The following KNTC1 variants were observed in gnomAD, a reference collection of about 807,000 sequenced individuals.
KNTC1 encodes the protein kinetochore-associated protein 1.
A neutral mutation model predicts 314.4 loss-of-function variants in KNTC1; 253 were observed. The ratio of observed to expected loss-of-function variants is 0.80; its 90% CI spans 0.73 to 0.89. KNTC1 has a LOEUF of 0.89. Among genes scored for constraint, KNTC1 ranks in the 40% least tolerant of loss-of-function variants. The pLI is 0.00. For synonymous variants in KNTC1, 901 were observed against 901.4 expected (o/e 1.00, Z 0.01); for missense variants, 2,475 against 2,572.9 (o/e 0.96, Z 0.82).
At chr12:122,580,120 GAA>G in intron 32 of KNTC1, 143 bp downstream of exon 32, 1 of 613,844 alleles carries the variant, frequency 1.6e-6, no homozygotes, top group Non-Finnish European at 2.9e-6. Flanking sequence ...TTTGCTTCAT[GAA>G]AAGTCTTCCT....
chr12:122,622,037 A>T, intron 61 of KNTC1, 67 bp downstream of exon 61: 1 of 1,099,950 alleles, frequency 9.1e-7, no homozygotes, highest in Non-Finnish European at 1.3e-6. Context: ...CATTTTCCCA[A>T]ACCAAGAGTA....
At chr12:122,608,866 T>G (rs1872800924) in intron 51 of KNTC1, among the ~76,000 whole-genome samples, 1 of 152,114 alleles carries the variant, frequency 6.6e-6, no homozygotes, top group African/African-American at 2.4e-5. Flanking sequence ...GAGACCAGCC[T>G]GAGCAGCATA....
intron 51 of KNTC1, among the ~76,000 whole-genome samples, chr12:122,608,039 C>T (rs1461939275): frequency 6.6e-6 from 1 of 152,144 alleles, no homozygotes; most frequent in East Asian, 1.9e-4. Context: ...TCTATAATTC[C>T]TATATCCACC....
chr12:122,572,672 T>A (rs1339995856), intron 24 of KNTC1, among the ~76,000 whole-genome samples: 1 of 152,190 alleles, frequency 6.6e-6, no homozygotes, highest in Non-Finnish European at 1.5e-5. Context: ...TGCTGTGTAC[T>A]AAGTATACTT....
chr12:122,547,428 T>C lies in KNTC1; in HGVS notation c.830T>C (p.Leu277Ser). The C allele has an allele frequency of 6.2e-7, 1 of 1,607,042 alleles. No homozygotes were observed. Among genetic ancestry groups the C allele is most frequent in the Non-Finnish European group, 8.5e-7 (1 of 1,173,958 alleles). ...TCTCTATTGCAGAACGTGCTGAGTT[T>C]ATGGGATATTTACACTCTAACTCCT... ...FVLDTDNVLS[L>S]WDIYTLTPVW... is the part of the protein sequence containing the mutation. Residue 277 changes from leucine to serine, a missense_variant, in exon 11 of 64, where the codon TTA becomes TCA. Leu to Ser is a moderately radical substitution (Grantham distance 145). Transcript: ENST00000333479.
At chr12:122,532,105 C>G (rs1167815977) in intron 2 of KNTC1, among the ~76,000 whole-genome samples, 18 of 150,904 alleles carry the variant, frequency 1.2e-4, no homozygotes, top group Non-Finnish European at 2.2e-4. Flanking sequence ...GTGATATTGA[C>G]TCATTACAAC....
chr12:122,563,255 C>A (rs1964102508), intron 20 of KNTC1, among the ~76,000 whole-genome samples: 1 of 151,968 alleles, frequency 6.6e-6, no homozygotes, highest in African/African-American at 2.4e-5. Flanking sequence ...ACTGCAGCCT[C>A]AACTTTTTAG....
rs1869576121 is a variant in KNTC1, at chr12:122,587,769, G to A, written c.3789G>A (p.Gln1263=). 6.2e-7 allele frequency: 1 copy of A among 1,613,682 alleles called. No homozygotes were observed. Among genetic ancestry groups the A allele is most frequent in the Admixed American group, 1.7e-5 (1 of 59,988 alleles). ...NSISALLQNL[Q]ESSQWELALR... is the part of the protein sequence containing the mutation. ...TCTCTGCCCTGCTTCAGAATCTTCA[G>A]GAATCTAGCCAGTGGGAGCTAGCCC... is the stretch of plus-strand genomic sequence containing the variant. Residue 1263 remains glutamine (Q), a synonymous_variant, in exon 39 of 64, where the codon CAG becomes CAA. Coordinates refer to ENST00000333479, the MANE Select transcript of KNTC1 (RefSeq NM_014708.6).
At chr12:122,539,346 GT>G (rs1555221927) in intron 4 of KNTC1, among the ~76,000 whole-genome samples, 5 of 152,014 alleles carry the variant, frequency 3.3e-5, no homozygotes, top group African/African-American at 1.2e-4. Context: ...TTAAAAAAAT[GT>G]TTTTTTGAAA....
At chr12:122,581,726 C>T (rs1455094945) in intron 33 of KNTC1, among the ~76,000 whole-genome samples, 1 of 151,974 alleles carries the variant, frequency 6.6e-6, no homozygotes. Context: ...AACTCCTGGC[C>T]TCAAGCGATC....
At chr12:122,574,897 G>A (rs1050448894) in intron 27 of KNTC1, among the ~76,000 whole-genome samples, 2 of 152,254 alleles carry the variant, frequency 1.3e-5, no homozygotes, top group South Asian at 2.1e-4. Context: ...ATTGTAATAT[G>A]CCTTTATTTT....
At chr12:122,568,731 G>A (rs1964499719) in intron 21 of KNTC1, among the ~76,000 whole-genome samples, 2 of 152,074 alleles carry the variant, frequency 1.3e-5, no homozygotes, top group South Asian at 2.1e-4. Flanking sequence ...AGCTACTCAG[G>A]AGGCTGAGGC....
At position 122,561,992 on chromosome 12, in the gene KNTC1, C is replaced by G. The variant is rs762731305; in HGVS notation, c.1542+18C>G. 1.5e-5 allele frequency: 24 copies of G among 1,592,376 alleles called. No homozygotes were observed. Among genetic ancestry groups the G allele is most frequent in the African/African-American group, 8.1e-5 (6 of 74,262 alleles). The stretch of plus-strand genomic sequence containing the variant: ...TGAAAGAGGTAATTACACTAGATTT[C>G]TAGGTTAATATGTGGGTGAATATAC... On this transcript the variant is annotated intron_variant, in intron 19 of 63. Coordinates refer to ENST00000333479, the MANE Select transcript of KNTC1 (RefSeq NM_014708.6).
chr12:122,547,450 T>C lies in KNTC1; in HGVS notation c.852T>C (p.Thr284=). ...VLSLWDIYTL[T]PVWNWPSLHV... ...GTTTATGGGATATTTACACTCTAACTCCTGTATGGAACTGGCCCTCTCTTC... is the reference window on the plus strand; with the variant it reads ...GTTTATGGGATATTTACACTCTAACCCCTGTATGGAACTGGCCCTCTCTTC... The change falls in exon 11 of 64, where the codon ACT becomes ACC. Residue 284 remains threonine, a synonymous_variant. Transcript: ENST00000333479. The C allele has an allele frequency of 6.2e-7, 1 of 1,612,728 alleles. No individual in the cohort carries two copies. Among genetic ancestry groups the C allele is most frequent in the Non-Finnish European group, 8.5e-7 (1 of 1,178,902 alleles).
chr12:122,554,002 G>T lies in KNTC1; in HGVS notation c.1272+2306G>T, dbSNP rs911998460. On this transcript the variant is annotated intron_variant, in intron 16 of 63. Transcript: ENST00000333479. ...TAAAGAATTAATATTTACTAAGTGG[G>T]TGCTTGCTACTCGTGCTTGTTTTAA... 4.0e-5 allele frequency among the ~76,000 whole-genome samples: 6 copies of T among 149,460 alleles called. 1 individual carries two copies. Among genetic ancestry groups the T allele is most frequent in the Middle Eastern group, 3.6e-3 (1 of 280 alleles).
chr12:122,609,715 G>T (rs868822536), intron 52 of KNTC1, among the ~76,000 whole-genome samples: 4 of 151,976 alleles, frequency 2.6e-5, no homozygotes, highest in Non-Finnish European at 4.4e-5. Context: ...TCTTAGCTAG[G>T]ACTTTGGCCC....
intron 2 of KNTC1, among the ~76,000 whole-genome samples, chr12:122,532,161 G>A (rs1255068925): frequency 6.7e-6 from 1 of 150,046 alleles, no homozygotes; most frequent in African/African-American, 2.4e-5. Context: ...AGCCTCTGGA[G>A]TAGCTGGGAT....
intron 12 of KNTC1, 109 bp from the exon 13 acceptor site, chr12:122,549,657 C>A (rs537608627): frequency 1.5e-6 from 1 of 656,944 alleles, no homozygotes; most frequent in Non-Finnish European, 2.8e-6. Context: ...TGAGCCACCA[C>A]GCCCAGCCGC....
chr12:122,614,694 G>A (rs1248513434), intron 55 of KNTC1, among the ~76,000 whole-genome samples: 2 of 151,736 alleles, frequency 1.3e-5, no homozygotes, highest in African/African-American at 2.4e-5. Flanking sequence ...CAGCCTGCCC[G>A]ACATGGTGAA....
Sources: allele counts gnomAD v4.1 joint callset (sites outside exome capture counted in the v4.1 genomes callset), GRCh38; gene constraint gnomAD v4.1.1; transcripts MANE v1.5; gene names NCBI Gene and HGNC (gene_info 2026-07-23, HGNC 2026-07-21).